ATOSA: variants seen among roughly 807,000 people sequenced by gnomAD.
ATOSA encodes the protein atos homolog A.
the ATOSA span, among the ~76,000 whole-genome samples, chr15:52,592,612 G>T: frequency 6.6e-6 from 1 of 152,180 alleles, no homozygotes; most frequent in Admixed American, 6.5e-5. Flanking sequence ...TAGAAGAATT[G>T]TCTTGGGCCA....
At chr15:52,609,095 T>G in the ATOSA span, 1 of 1,613,560 alleles carries the variant, frequency 6.2e-7, no homozygotes, top group South Asian at 1.1e-5. Flanking sequence ...GTTGATAAAC[T>G]AGAACTTTTG....
At chr15:52,663,579 C>T in the ATOSA span, among the ~76,000 whole-genome samples, 1 of 148,476 alleles carries the variant, frequency 6.7e-6, no homozygotes, top group South Asian at 2.2e-4. Context: ...AAGAGTTGTA[C>T]ATATTGTTAA....
the ATOSA span, among the ~76,000 whole-genome samples, chr15:52,703,747 C>T: frequency 4.5e-4 from 68 of 152,102 alleles, no homozygotes; most frequent in African/African-American, 1.5e-3. Context: ...ATGTAAATGA[C>T]GAGTTGATGG....
At chr15:52,700,054 G>C in the ATOSA span, among the ~76,000 whole-genome samples, 1 of 152,150 alleles carries the variant, frequency 6.6e-6, no homozygotes, top group Non-Finnish European at 1.5e-5. Context: ...CGAATCTAAA[G>C]TTTAGATTGT....
the ATOSA span, among the ~76,000 whole-genome samples, chr15:52,634,072 G>T: frequency 6.6e-6 from 1 of 151,756 alleles, no homozygotes; most frequent in African/African-American, 2.4e-5. Context: ...AACCCAAGAG[G>T]TATAACTAAG....
At chr15:52,693,688 C>G in the ATOSA span, among the ~76,000 whole-genome samples, 2 of 152,204 alleles carry the variant, frequency 1.3e-5, no homozygotes, top group Non-Finnish European at 2.9e-5. Flanking sequence ...GGTCCTTCCT[C>G]AATCCATAAA....
chr15:52,652,078 T>C, the ATOSA span: 6 of 1,441,392 alleles, frequency 4.2e-6, no homozygotes, highest in African/African-American at 1.4e-5. Context: ...AGAGCGCACA[T>C]AGCAACAGCA....
the ATOSA span, among the ~76,000 whole-genome samples, chr15:52,630,808 T>C: frequency 1.3e-5 from 2 of 152,318 alleles, no homozygotes; most frequent in South Asian, 4.1e-4. Context: ...ATGAATGCTG[T>C]GATACACTCA....
the ATOSA span, chr15:52,586,327 T>C: frequency 6.6e-6 from 1 of 152,200 alleles, no homozygotes; most frequent in Non-Finnish European, 1.5e-5. Context: ...AATAAACAAA[T>C]ATACAGATTC....
chr15:52,645,855 C>G, the ATOSA span, among the ~76,000 whole-genome samples: 13 of 152,138 alleles, frequency 8.5e-5, no homozygotes, highest in Non-Finnish European at 1.8e-4. Context: ...AACATTGTAA[C>G]AAAAGGAAAC....
At chr15:52,685,153 A>C in the ATOSA span, among the ~76,000 whole-genome samples, 4 of 152,242 alleles carry the variant, frequency 2.6e-5, no homozygotes, top group Non-Finnish European at 5.9e-5. Context: ...ACTTCAGAAG[A>C]CATTTGAAAA....
At chr15:52,678,245 T>C in the ATOSA span, 1 of 615,048 alleles carries the variant, frequency 1.6e-6, no homozygotes, top group Non-Finnish European at 2.9e-6. Flanking sequence ...TCGGCTGGTC[T>C]GAAAAAAGCA....
chr15:52,616,942 C>G, the ATOSA span, among the ~76,000 whole-genome samples: 2 of 152,140 alleles, frequency 1.3e-5, no homozygotes, highest in African/African-American at 4.8e-5. Context: ...CAATCAATTC[C>G]TTTAAGCTTG....
the ATOSA span, chr15:52,587,095 G>A: frequency 6.2e-7 from 1 of 1,608,996 alleles, no homozygotes; most frequent in South Asian, 1.1e-5. Flanking sequence ...AAAGGGCTAA[G>A]TTCTATATGT....
At chr15:52,634,962 T>C in the ATOSA span, among the ~76,000 whole-genome samples, 1 of 152,138 alleles carries the variant, frequency 6.6e-6, no homozygotes, top group Admixed American at 6.6e-5. Context: ...AAAAAAGATA[T>C]ACCATGCTAA....
chr15:52,628,493 C>T, the ATOSA span, among the ~76,000 whole-genome samples: 1 of 152,112 alleles, frequency 6.6e-6, no homozygotes, highest in Non-Finnish European at 1.5e-5. Flanking sequence ...GGTACTAATA[C>T]CTTTCTCACT....
chr15:52,664,995 GA>G, the ATOSA span, among the ~76,000 whole-genome samples: 25 of 151,974 alleles, frequency 1.6e-4, no homozygotes, highest in Admixed American at 9.8e-4. Context: ...TTGTCCAAAA[GA>G]AAAAAACTAT....
the ATOSA span, among the ~76,000 whole-genome samples, chr15:52,591,006 C>A: frequency 1.3e-5 from 2 of 152,182 alleles, no homozygotes. Flanking sequence ...TCTGGAGTGA[C>A]AAAATCTTTT....
the ATOSA span, among the ~76,000 whole-genome samples, chr15:52,642,454 C>T: frequency 2.0e-5 from 3 of 152,154 alleles, no homozygotes; most frequent in African/African-American, 2.4e-5. Context: ...TTATCTAATT[C>T]TACTTAAGCC....
Sources: allele counts gnomAD v4.1 joint callset (sites outside exome capture counted in the v4.1 genomes callset), GRCh38; gene constraint gnomAD v4.1.1; transcripts MANE v1.5; gene names NCBI Gene and HGNC (gene_info 2026-07-23, HGNC 2026-07-21).